Variants in CACNA1D observed in about 807,000 individuals in gnomAD.
CACNA1D encodes calcium voltage-gated channel subunit alpha1 D, also known as voltage-dependent L-type calcium channel subunit alpha-1D.
Under a neutral mutation model 257.1 loss-of-function variants are expected in CACNA1D, and 55 were observed. The ratio of observed to expected loss-of-function variants is 0.21; its 90% CI spans 0.17 to 0.27. The LOEUF is 0.27. CACNA1D is among the 10% of genes least tolerant of loss of function. CACNA1D has a pLI of 1.00. For synonymous variants in CACNA1D, 980 were observed against 1,014.9 expected (o/e 0.97, Z 0.65); for missense variants, 1,876 against 2,784.0 (o/e 0.67, Z 7.34).
chr3:53,718,350 C>T lies in CACNA1D; in HGVS notation c.1440C>T (p.Ser480=), dbSNP rs35703378. The change falls in exon 10 of 48, where the codon AGC becomes AGT. Residue 480 remains serine, a synonymous_variant. Coordinates refer to ENST00000350061, the MANE Select transcript of CACNA1D (RefSeq NM_001128840.3). The part of the protein sequence containing the change: ...ETESVNTENV[S]GEGENRGCCG... ...AGTCTGTGAACACAGAGAACGTCAG[C>T]GGTGAAGGCGAGAACCGAGGCTGCT... is the stretch of plus-strand genomic sequence containing the variant. The T allele has an allele frequency of 9.4e-5, 152 of 1,614,026 alleles. No individual in the cohort carries two copies. Among genetic ancestry groups the T allele is most frequent in the Non-Finnish European group, 1.1e-4 (134 of 1,179,982 alleles).
At chr3:53,547,104 G>A (rs890981269) in intron 3 of CACNA1D, among the ~76,000 whole-genome samples, 21 of 152,204 alleles carry the variant, frequency 1.4e-4, no homozygotes, top group African/African-American at 5.1e-4. Flanking sequence ...TGAGTGACGT[G>A]TCCAGGATTA....
At chr3:53,643,041 A>G (rs1462639204) in intron 3 of CACNA1D, among the ~76,000 whole-genome samples, 1 of 152,224 alleles carries the variant, frequency 6.6e-6, no homozygotes, top group East Asian at 1.9e-4. Flanking sequence ...TATGGATGAA[A>G]GAACTGGGAA....
intron 3 of CACNA1D, among the ~76,000 whole-genome samples, chr3:53,625,225 G>A (rs751691135): frequency 4.6e-5 from 7 of 152,136 alleles, no homozygotes; most frequent in Non-Finnish European, 1.0e-4. Flanking sequence ...AAAGAGCACC[G>A]AAGGTTAGTG....
chr3:53,630,493 A>G (rs996620239), intron 3 of CACNA1D, among the ~76,000 whole-genome samples: 7 of 152,248 alleles, frequency 4.6e-5, no homozygotes, highest in Admixed American at 4.6e-4. Context: ...TACTTAATTA[A>G]TTTAGGTAGT....
At chr3:53,802,845 G>A (rs1167065509) in intron 43 of CACNA1D, among the ~76,000 whole-genome samples, 1 of 152,200 alleles carries the variant, frequency 6.6e-6, no homozygotes, top group Admixed American at 6.5e-5. Flanking sequence ...AGGCCAGGAT[G>A]AGCCGGGTTT....
In CACNA1D at chr3:53,805,012, C is replaced by G. The variant is rs780679620; in HGVS notation, c.5615C>G (p.Pro1872Arg). ...AACTATGGCTACTACAGCAGATACC[C>G]AGGCAGAAACATCGACTCTGAGAGG... ...RQNYGYYSRY[P>R]GRNIDSERPR... Residue 1872 changes from proline to arginine, a missense_variant, in exon 45 of 48, where the codon CCA (proline) becomes CGA (arginine). Physicochemically the swap from Pro to Arg is moderately radical, Grantham distance 103. Transcript: ENST00000350061. The G allele has an allele frequency of 2.5e-6, 4 of 1,614,042 alleles. No individual in the cohort carries two copies. The East Asian group carries it at 6.7e-5, about 27-fold the overall frequency.
chr3:53,542,092 AT>A (rs2092311515), intron 3 of CACNA1D, among the ~76,000 whole-genome samples: 1 of 152,158 alleles, frequency 6.6e-6, no homozygotes, highest in Non-Finnish European at 1.5e-5. Flanking sequence ...GGTTGCATAT[AT>A]CTGTGAATAT....
Position 53,650,794 on chromosome 3 carries a change from G to A in CACNA1D, c.499G>A (p.Ala167Thr). The A allele has an allele frequency of 6.2e-7, 1 of 1,613,962 alleles. No homozygotes were observed. Among genetic ancestry groups the A allele is most frequent in the African/African-American group, 1.3e-5 (1 of 75,036 alleles). The part of the protein sequence containing the change: ...TNHNLEKVEY[A>T]FLIIFTVETF... ...TTCTTCACAGGAAAAAGTAGAATAT[G>A]CCTTCCTGATTATTTTTACAGTCGA... The change falls in exon 4 of 48, where the codon GCC becomes ACC. Residue 167 changes from alanine (A) to threonine (T), a missense_variant. Coordinates refer to ENST00000350061, the MANE Select transcript of CACNA1D (RefSeq NM_001128840.3).
In CACNA1D at chr3:53,751,692, G is replaced by T. The variant is rs2095227793; in HGVS notation, c.3517-57G>T. 6.3e-7 allele frequency: 1 copy of T among 1,590,166 alleles called. No homozygotes were observed. ...CTCTTTCAGAGCAGATGACCACGGG[G>T]TCCTCCTTCCCTGCAAGTGCTCAGA... On this transcript the variant is annotated intron_variant, in intron 27 of 47. Coordinates refer to ENST00000350061, the MANE Select transcript of CACNA1D (RefSeq NM_001128840.3). This position sits in a 1 kb window ranked among gnomAD's most constrained non-coding sequence, Gnocchi z 4.3.
At chr3:53,799,152 A>G (rs2095522924) in intron 40 of CACNA1D, among the ~76,000 whole-genome samples, 1 of 152,232 alleles carries the variant, frequency 6.6e-6, no homozygotes, top group Admixed American at 6.5e-5. Context: ...GCCTGGATAC[A>G]GGACCGTAGA....
At chr3:53,535,383 A>T (rs2092085128) in intron 3 of CACNA1D, among the ~76,000 whole-genome samples, 2 of 152,206 alleles carry the variant, frequency 1.3e-5, no homozygotes, top group Non-Finnish European at 2.9e-5. Flanking sequence ...CAGAGGATCC[A>T]GTATTATTGG....
chr3:53,621,230 A>G (rs1020022046), intron 3 of CACNA1D, among the ~76,000 whole-genome samples: 1 of 152,066 alleles, frequency 6.6e-6, no homozygotes, highest in African/African-American at 2.4e-5. Context: ...TTCTCTCTCC[A>G]TGGCCCCTAT....
intron 29 of CACNA1D, 52 bp downstream of exon 29, chr3:53,753,734 A>G: frequency 9.7e-7 from 1 of 1,032,508 alleles, no homozygotes; most frequent in African/African-American, 1.6e-5. Flanking sequence ...ACCCTAGAGA[A>G]GTACCCGCTT....
chr3:53,770,487 G>C lies in CACNA1D; in HGVS notation c.3979G>C (p.Val1327Leu). The change falls in exon 32 of 48, where the codon GTG becomes CTG. Residue 1327 changes from valine to leucine, a missense_variant. Physicochemically the swap from Val to Leu is conservative, Grantham distance 32. Around this residue, in one of 10 missense-constraint regions of CACNA1D, gnomAD observed 204 missense variants for 309.4 expected, o/e 0.66. Transcript: ENST00000350061. ...FFRLFRVMRL[V>L]KLLSRGEGIR... is the part of the protein sequence containing the mutation. ...CCGTCTTTTCCGAGTGATGCGATTG[G>C]TGAAGCTTCTCAGCAGGGGGGAAGG... 1 of 1,613,610 alleles carries C rather than the reference G, an allele frequency of 6.2e-7. No individual in the cohort carries two copies. The highest frequency in any genetic ancestry group is 1.7e-4 in the Middle Eastern group (1 of 6,060).
chr3:53,679,215 A>G (rs1038193034), intron 8 of CACNA1D: 4 of 132,670 alleles, frequency 3.0e-5, no homozygotes, highest in African/African-American at 5.7e-5. Context: ...GATTGCAGTG[A>G]GCCAAGACTG....
At chr3:53,531,233 TCTTTC>T (rs559477254) in intron 3 of CACNA1D, among the ~76,000 whole-genome samples, 10 of 152,192 alleles carry the variant, frequency 6.6e-5, no homozygotes, top group Non-Finnish European at 8.8e-5. Context: ...TCCCCGTGTT[TCTTTC>T]CTTTAGGATC....
At position 53,762,132 on chromosome 3, in the gene CACNA1D, G is replaced by A. The variant is rs2095306733; in HGVS notation, c.3870+51G>A. On this transcript the variant is annotated intron_variant, in intron 30 of 47. Coordinates refer to ENST00000350061, the MANE Select transcript of CACNA1D (RefSeq NM_001128840.3). ...CACCTGTGTCCTCTCTCCTCTGTCT[G>A]TGCATACTCCGCTCCCTGCCCTGCA... The A allele has an allele frequency of 2.7e-6, 3 of 1,115,682 alleles. No individual in the cohort carries two copies. The East Asian group carries it at 7.0e-5, about 26-fold the overall frequency. The allele number at this position is 1,115,682 out of a possible 1,614,324, so 69.1% of individuals were successfully genotyped here.
At chr3:53,596,290 C>T (rs1027666489) in intron 3 of CACNA1D, among the ~76,000 whole-genome samples, 2 of 152,090 alleles carry the variant, frequency 1.3e-5, no homozygotes, top group Non-Finnish European at 2.9e-5. Flanking sequence ...CCTTCTTACT[C>T]TGCATGTGTG....
chr3:53,791,173 C>T (rs2095480754), intron 40 of CACNA1D: 1 of 617,798 alleles, frequency 1.6e-6, no homozygotes, highest in Non-Finnish European at 2.9e-6. Context: ...AAGCAAAGCA[C>T]TCCTCCGGAA....
Sources: gnomAD v4.1 joint callset for allele counts (sites outside exome capture counted in the v4.1 genomes callset) on GRCh38, gnomAD v4.1.1 for gene constraint, gnomAD v4.1.1 regional missense constraint, Gnocchi (gnomAD v3.1) non-coding constraint, MANE v1.5 for transcripts, NCBI Gene and HGNC (gene_info 2026-07-23, HGNC 2026-07-21) for gene names.